DNAH11: variants seen among roughly 807,000 people sequenced by gnomAD.
DNAH11 encodes dynein axonemal heavy chain 11, also known as axonemal beta dynein heavy chain 11.
A neutral mutation model predicts 526.0 loss-of-function variants in DNAH11; 442 were observed. The ratio of observed to expected loss-of-function variants is 0.84; its 90% CI spans 0.78 to 0.91. DNAH11 has a LOEUF of 0.91. Among genes scored for constraint, DNAH11 ranks in the 40% least tolerant of loss-of-function variants. The pLI is 0.00. For synonymous variants in DNAH11, 2,461 were observed against 1,935.9 expected (o/e 1.27, Z -7.12); for missense variants, 6,989 against 5,448.7 (o/e 1.28, Z -8.90).
intron 75 of DNAH11, among the ~76,000 whole-genome samples, chr7:21,881,681 C>G (rs77196268): frequency 0.038 from 5,757 of 152,158 alleles, 370 homozygotes; most frequent in African/African-American, 0.13. Context: ...TTCTATAAAG[C>G]GTTTTTAAAA....
rs191863981 is a variant in DNAH11, at chr7:21,870,057, G to A, written c.11967+1066G>A. 9.8e-5 allele frequency among the ~76,000 whole-genome samples: 15 copies of A among 152,286 alleles called. No individual in the cohort carries two copies. The East Asian group carries it at 2.3e-3, about 24-fold the overall frequency. On this transcript the variant is annotated intron_variant, in intron 73 of 81. Coordinates refer to ENST00000409508, the MANE Select transcript of DNAH11 (RefSeq NM_001277115.2). ...GGCAATTCACAGGCTGCCTTATCTGGAATCATTACAACAAAGCTCCTAGGT... is the reference window on the plus strand; with the variant it reads ...GGCAATTCACAGGCTGCCTTATCTGAAATCATTACAACAAAGCTCCTAGGT...
intron 54 of DNAH11, among the ~76,000 whole-genome samples, chr7:21,763,350 A>AAAAAAAAAAAAAAAG: frequency 1.4e-5 from 1 of 69,102 alleles, no homozygotes; most frequent in Non-Finnish European, 3.6e-5. Flanking sequence ...AAAAAAAAAA[A>AAAAAAAAAAAAAAAG]AAAAAAGAAA....
intron 2 of DNAH11, among the ~76,000 whole-genome samples, chr7:21,548,360 A>G (rs565471942): frequency 2.0e-5 from 3 of 152,216 alleles, no homozygotes; most frequent in Non-Finnish European, 4.4e-5. Flanking sequence ...TTTGTTGAAT[A>G]TAATAGATAT....
At chr7:21,590,482 G>A (rs1996980) in intron 12 of DNAH11, among the ~76,000 whole-genome samples, 1 of 152,158 alleles carries the variant, frequency 6.6e-6, no homozygotes, top group Admixed American at 6.5e-5. Context: ...GTCTCTCATG[G>A]CAGTCAAAAT....
intron 51 of DNAH11, among the ~76,000 whole-genome samples, chr7:21,748,299 C>T (rs895299105): frequency 6.6e-6 from 1 of 152,162 alleles, no homozygotes; most frequent in Non-Finnish European, 1.5e-5. Context: ...GCCTGGCCAA[C>T]ATAGTGAAAC....
chr7:21,817,612 G>C (rs1462631718), intron 64 of DNAH11, among the ~76,000 whole-genome samples: 1 of 151,028 alleles, frequency 6.6e-6, no homozygotes, highest in Non-Finnish European at 1.5e-5. Context: ...AGGATCACTT[G>C]AGCCCAGGAG....
intron 3 of DNAH11, 55 bp downstream of exon 3, chr7:21,559,053 G>A (rs1783336611): frequency 8.3e-6 from 12 of 1,453,288 alleles, no homozygotes; most frequent in South Asian, 5.2e-5. Flanking sequence ...AGGCCAGCAC[G>A]GTGGCTCATG....
chr7:21,611,899 C>A (rs762173496), intron 20 of DNAH11, among the ~76,000 whole-genome samples: 1 of 152,186 alleles, frequency 6.6e-6, no homozygotes, highest in Admixed American at 6.5e-5. Context: ...ATCACTAACT[C>A]TAGTTATTTA....
chr7:21,893,565 A>G (rs1422079546), intron 77 of DNAH11, among the ~76,000 whole-genome samples: 2 of 152,228 alleles, frequency 1.3e-5, no homozygotes, highest in Non-Finnish European at 2.9e-5. Flanking sequence ...GCAAGGAAAG[A>G]AGGAAAGCTG....
chr7:21,880,793 G>C lies in DNAH11; in HGVS notation c.12287G>C (p.Arg4096Thr). 1.2e-6 allele frequency: 2 copies of C among 1,613,976 alleles called. No individual in the cohort carries two copies. Among genetic ancestry groups the C allele is most frequent in the East Asian group, 2.2e-5 (1 of 44,878 alleles). The change falls in exon 75 of 82, where the codon AGG becomes ACG. Residue 4096 changes from arginine (R) to threonine (T), a missense_variant. Physicochemically the swap from Arg to Thr is moderately conservative, Grantham distance 71. Transcript: ENST00000409508. Reference protein sequence around the residue: ...YFHACVAGRLRFGPQGWSRSY... With the variant: ...YFHACVAGRLTFGPQGWSRSY... Reference sequence around the variant, plus strand: ...CACGCCTGTGTTGCTGGGAGACTGAGGTTTGGCCCCCAGGGCTGGAGCCGA... The same window carrying C: ...CACGCCTGTGTTGCTGGGAGACTGACGTTTGGCCCCCAGGGCTGGAGCCGA...
At chr7:21,706,698 A>T (rs189269333) in intron 39 of DNAH11, among the ~76,000 whole-genome samples, 1 of 152,316 alleles carries the variant, frequency 6.6e-6, no homozygotes, top group East Asian at 1.9e-4. Context: ...TCTACTCAAC[A>T]GGTACGTAAC....
At chr7:21,885,486 C>T (rs781669744) in intron 76 of DNAH11, among the ~76,000 whole-genome samples, 1 of 151,922 alleles carries the variant, frequency 6.6e-6, no homozygotes, top group Non-Finnish European at 1.5e-5. Flanking sequence ...GAATGGTCAA[C>T]AGATACAAAG....
intron 38 of DNAH11, among the ~76,000 whole-genome samples, chr7:21,705,186 T>G (rs1241209189): frequency 6.6e-6 from 1 of 152,230 alleles, no homozygotes; most frequent in African/African-American, 2.4e-5. Context: ...TCAAAACTCA[T>G]GAAGAGTTAA....
intron 68 of DNAH11, 49 bp downstream of exon 68, chr7:21,854,504 T>A (rs755166464): frequency 6.4e-7 from 1 of 1,552,324 alleles, no homozygotes; most frequent in Non-Finnish European, 8.7e-7. Flanking sequence ...GAGTTCAATT[T>A]GTTTCTGGAA....
intron 8 of DNAH11, among the ~76,000 whole-genome samples, chr7:21,574,813 T>C (rs1409287456): frequency 4.2e-5 from 6 of 141,996 alleles, no homozygotes; most frequent in African/African-American, 1.6e-4. Flanking sequence ...TGATCCACCC[T>C]CCTTGGCCTC....
At chr7:21,856,124 A>T (rs1380419790) in intron 68 of DNAH11, among the ~76,000 whole-genome samples, 1 of 152,162 alleles carries the variant, frequency 6.6e-6, no homozygotes, top group African/African-American at 2.4e-5. Context: ...CAAGAAATGA[A>T]TCTAGAGAGG....
In DNAH11 at chr7:21,620,084, A is replaced by G; in HGVS notation, c.4500+6A>G. On this transcript the variant is annotated splice_donor_region_variant and intron_variant, in intron 25 of 81. Coordinates refer to ENST00000409508, the MANE Select transcript of DNAH11 (RefSeq NM_001277115.2). ...AAACTCTAGAGCACAACCAAGTAAGATGGATATTTTTATTGCATATATTTT... is the reference window on the plus strand; with the variant it reads ...AAACTCTAGAGCACAACCAAGTAAGGTGGATATTTTTATTGCATATATTTT... The G allele has an allele frequency of 1.3e-6, 2 of 1,569,888 alleles. No individual in the cohort carries two copies. Among genetic ancestry groups the G allele is most frequent in the Non-Finnish European group, 1.7e-6 (2 of 1,161,860 alleles).
At chr7:21,841,334 A>C (rs983796240) in intron 65 of DNAH11, among the ~76,000 whole-genome samples, 1 of 152,214 alleles carries the variant, frequency 6.6e-6, no homozygotes, top group African/African-American at 2.4e-5. Context: ...ACACATACAT[A>C]CACATCTTAT....
chr7:21,735,734 C>A lies in DNAH11; in HGVS notation c.7535C>A (p.Ala2512Glu), dbSNP rs779611122. 6.2e-6 allele frequency: 10 copies of A among 1,613,924 alleles called. No homozygotes were observed. The South Asian group carries it at 1.1e-4, about 18-fold the overall frequency. The change falls in exon 46 of 82, where the codon GCA becomes GAA. Residue 2512 changes from alanine to glutamate, a missense_variant. Coordinates refer to ENST00000409508, the MANE Select transcript of DNAH11 (RefSeq NM_001277115.2). Reference sequence around the variant, plus strand: ...AAACCTCTAATGCTAGTAGGAAATGCAGGAGTGGGAAAAACAGTCTTTGTA... The same window carrying A: ...AAACCTCTAATGCTAGTAGGAAATGAAGGAGTGGGAAAAACAGTCTTTGTA... ...KGKPLMLVGNAGVGKTVFVGD... is the reference protein window; with the variant it reads ...KGKPLMLVGNEGVGKTVFVGD...
Sources: allele counts gnomAD v4.1 joint callset (sites outside exome capture counted in the v4.1 genomes callset), GRCh38; gene constraint gnomAD v4.1.1; transcripts MANE v1.5; gene names NCBI Gene and HGNC (gene_info 2026-07-23, HGNC 2026-07-21).